CDH13: variants seen among roughly 807,000 people sequenced by gnomAD.
The protein encoded by CDH13 is cadherin-13.
A neutral mutation model predicts 63.8 loss-of-function variants in CDH13; 24 were observed. That is an observed-to-expected ratio of 0.38 (90% CI 0.27 to 0.53). The LOEUF (loss-of-function observed/expected upper bound fraction) is 0.53, where lower values mean the gene tolerates loss of function less well. Among genes scored for constraint, CDH13 ranks in the 20% least tolerant of loss-of-function variants. CDH13 has a pLI of 0.85. For missense variants in CDH13, 1,049 were observed against 903.1 expected (o/e 1.16, Z -2.07); for synonymous variants, 503 against 355.3 (o/e 1.42, Z -4.67).
intron 1 of CDH13, among the ~76,000 whole-genome samples, chr16:82,837,809 C>G (rs1166938185): frequency 6.6e-6 from 1 of 152,176 alleles, no homozygotes; most frequent in African/African-American, 2.4e-5. Flanking sequence ...AAGAGTTCAG[C>G]ATAAACCGAA....
At chr16:82,835,607 G>A (rs889555454) in intron 1 of CDH13, among the ~76,000 whole-genome samples, 2 of 152,306 alleles carry the variant, frequency 1.3e-5, no homozygotes, top group African/African-American at 4.8e-5. Flanking sequence ...GCCAGGGGCA[G>A]TAGGTGCATA....
intron 8 of CDH13, among the ~76,000 whole-genome samples, chr16:83,604,664 C>G (rs557200404): frequency 1.5e-4 from 23 of 152,226 alleles, no homozygotes; most frequent in African/African-American, 5.5e-4. Context: ...GGAATGTTCA[C>G]TGGGGGATTT....
chr16:82,722,293 C>T (rs1006715457), intron 1 of CDH13, among the ~76,000 whole-genome samples: 3 of 152,116 alleles, frequency 2.0e-5, no homozygotes, highest in Non-Finnish European at 4.4e-5. Context: ...TAAATGGTTT[C>T]TCTCCATCTC....
At chr16:83,004,480 G>C (rs556172295) in intron 2 of CDH13, among the ~76,000 whole-genome samples, 1 of 152,208 alleles carries the variant, frequency 6.6e-6, no homozygotes, top group African/African-American at 2.4e-5. Context: ...TGAATGTCAT[G>C]CAAGGACCCC....
intron 1 of CDH13, among the ~76,000 whole-genome samples, chr16:82,796,350 A>G (rs908293457): frequency 2.6e-5 from 4 of 152,106 alleles, no homozygotes; most frequent in Admixed American, 6.5e-5. Flanking sequence ...TTCCATTTAG[A>G]ACCACCTTCA....
intron 2 of CDH13, among the ~76,000 whole-genome samples, chr16:82,963,481 C>T (rs1250220626): frequency 6.6e-6 from 1 of 152,116 alleles, no homozygotes; most frequent in African/African-American, 2.4e-5. Context: ...ATGGTTTCAC[C>T]GTATCACATC....
intron 2 of CDH13, among the ~76,000 whole-genome samples, chr16:82,978,996 T>C (rs1224687346): frequency 6.6e-6 from 1 of 152,190 alleles, no homozygotes; most frequent in African/African-American, 2.4e-5. Context: ...CCCAAGATCA[T>C]GGGAGCCCAC....
intron 6 of CDH13, among the ~76,000 whole-genome samples, chr16:83,361,018 T>G (rs192146876): frequency 1.3e-5 from 2 of 152,338 alleles, no homozygotes; most frequent in African/African-American, 4.8e-5. Context: ...GCCAAACTGC[T>G]TTCCACAGTG....
intron 7 of CDH13, among the ~76,000 whole-genome samples, chr16:83,518,295 C>G (rs2074746011): frequency 6.6e-6 from 1 of 151,778 alleles, no homozygotes; most frequent in Admixed American, 6.6e-5. Flanking sequence ...AGGCACATGC[C>G]ACCACACGTG....
At chr16:82,800,561 G>A (rs1480665592) in intron 1 of CDH13, among the ~76,000 whole-genome samples, 1 of 152,066 alleles carries the variant, frequency 6.6e-6, no homozygotes, top group Non-Finnish European at 1.5e-5. Flanking sequence ...CATTAACAAA[G>A]GGCTCATAAC....
chr16:83,683,500 T>G (rs1915570469), intron 10 of CDH13, among the ~76,000 whole-genome samples: 1 of 152,176 alleles, frequency 6.6e-6, no homozygotes, highest in South Asian at 2.1e-4. Flanking sequence ...ACCTCACCAT[T>G]TTTATTTCCC....
chr16:83,469,927 G>T (rs1186114606), intron 6 of CDH13, among the ~76,000 whole-genome samples: 1 of 152,160 alleles, frequency 6.6e-6, no homozygotes, highest in Non-Finnish European at 1.5e-5. Flanking sequence ...ACCCCTACAG[G>T]CTGGGAGACT....
At chr16:82,656,275 G>T (rs995361697) in intron 1 of CDH13, among the ~76,000 whole-genome samples, 1 of 152,006 alleles carries the variant, frequency 6.6e-6, no homozygotes, top group African/African-American at 2.4e-5. Flanking sequence ...GCTGGAGAAA[G>T]AGGCTGGAGT....
At chr16:83,301,263 C>A (rs1282287727) in intron 5 of CDH13, among the ~76,000 whole-genome samples, 1 of 151,908 alleles carries the variant, frequency 6.6e-6, no homozygotes, top group Non-Finnish European at 1.5e-5. Flanking sequence ...GATCTCCTGA[C>A]CTCATGATCC....
chr16:82,690,797 A>C lies in CDH13; in HGVS notation c.45+63660A>C, dbSNP rs895627893. 3.3e-5 allele frequency among the ~76,000 whole-genome samples: 5 copies of C among 152,256 alleles called. No individual in the cohort carries two copies. The East Asian group carries it at 9.6e-4, about 29-fold the overall frequency. On this transcript the variant is annotated intron_variant, in intron 1 of 13. Transcript: ENST00000567109. ...GGCACAACCTGCTCACACCTCTGGG[A>C]GTCACCTGGGTGTTGGCTGACGCAG... is the stretch of plus-strand genomic sequence containing the variant.
chr16:83,508,299 G>A lies in CDH13; in HGVS notation c.960+21644G>A, dbSNP rs2074471521. The A allele has an allele frequency of 1.9e-5, 3 of 154,692 alleles. No individual in the cohort carries two copies. The South Asian group carries it at 6.1e-4, about 32-fold the overall frequency. 9.6% of individuals were successfully genotyped at this position (154,692 alleles called of 1,614,324 possible). On this transcript the variant is annotated intron_variant, in intron 7 of 13. Transcript: ENST00000567109. ...TACTGGGGTTCTGGAGGATAGCAGT[G>A]AGAAGATGGGGTAAAAAATTAGAGA...
intron 5 of CDH13, among the ~76,000 whole-genome samples, chr16:83,234,098 A>G (rs2040079404): frequency 6.6e-6 from 1 of 152,130 alleles, no homozygotes; most frequent in Non-Finnish European, 1.5e-5. Context: ...AGGAGAAGTA[A>G]CTCTGGATGA....
intron 6 of CDH13, among the ~76,000 whole-genome samples, chr16:83,460,117 T>A (rs1012398182): frequency 6.6e-6 from 1 of 152,138 alleles, no homozygotes; most frequent in Non-Finnish European, 1.5e-5. Context: ...TTTCACAGAA[T>A]AAGAAAAATG....
At chr16:82,834,995 A>C (rs762420069) in intron 1 of CDH13, among the ~76,000 whole-genome samples, 3 of 152,216 alleles carry the variant, frequency 2.0e-5, no homozygotes, top group Non-Finnish European at 4.4e-5. Flanking sequence ...GGAGTCCTCA[A>C]AGCCACATAT....
Sources: allele counts gnomAD v4.1 joint callset (sites outside exome capture counted in the v4.1 genomes callset), GRCh38; gene constraint gnomAD v4.1.1; transcripts MANE v1.5; gene names NCBI Gene and HGNC (gene_info 2026-07-23, HGNC 2026-07-21).